ADCY5: variants seen among roughly 807,000 people sequenced by gnomAD.
The protein encoded by ADCY5 is adenylate cyclase 5, also known as adenylate cyclase type 5.
A neutral mutation model predicts 119.7 loss-of-function variants in ADCY5; 30 were observed. The observed-to-expected ratio is 0.25, with a 90% CI of 0.19 to 0.34. ADCY5 has a LOEUF of 0.34. ADCY5 is among the 10% of genes least tolerant of loss of function. ADCY5 has a pLI of 1.00. For missense variants in ADCY5, 1,324 were observed against 1,775.2 expected (o/e 0.75, Z 4.57); for synonymous variants, 753 against 762.2 (o/e 0.99, Z 0.20).
rs750872257 is a variant in ADCY5, at chr3:123,448,308, C to A, written c.238G>T (p.Asp80Tyr). ...GGGTCGTCACCGCTCAGCGGAGGAT[C>A]GTCGTCGTCGTCGCTGCGCCAGCGG... Reference protein sequence around the residue: ...ASRWRSDDDDDPPLSGDDPLA... With the variant: ...ASRWRSDDDDYPPLSGDDPLA... The change falls in exon 1 of 21, where the codon GAT becomes TAT. Residue 80 changes from aspartate (D) to tyrosine (Y), a missense_variant. By Grantham distance (160) the Asp-to-Tyr change is radical (BLOSUM62 -3). Around this residue, in one of 6 missense-constraint regions of ADCY5, gnomAD observed 585 missense variants for 569.9 expected, o/e 1.03. Transcript: ENST00000462833. The A allele has an allele frequency of 3.3e-6, 5 of 1,523,080 alleles. No individual in the cohort carries two copies. Among genetic ancestry groups the A allele is most frequent in the African/African-American group, 1.4e-5 (1 of 69,780 alleles). The allele number at this position is 1,523,080 out of a possible 1,614,324, so 94.3% of individuals were successfully genotyped here. A position where few individuals can be genotyped will look rare whatever the true frequency, so the allele number is the denominator to read the frequency against.
chr3:123,382,410 A>C (rs1472743553), intron 1 of ADCY5, among the ~76,000 whole-genome samples: 1 of 152,208 alleles, frequency 6.6e-6, no homozygotes, highest in African/African-American at 2.4e-5. Context: ...CAGAAAGTCC[A>C]CTTCTGAATT....
At chr3:123,388,988 G>A (rs1215980380) in intron 1 of ADCY5, among the ~76,000 whole-genome samples, 1 of 152,148 alleles carries the variant, frequency 6.6e-6, no homozygotes, top group African/African-American at 2.4e-5. Flanking sequence ...GGAGGGACCT[G>A]GGGAAGGAGG....
chr3:123,443,808 A>G (rs574550355), intron 1 of ADCY5, among the ~76,000 whole-genome samples: 12 of 152,284 alleles, frequency 7.9e-5, no homozygotes, highest in African/African-American at 2.9e-4. Flanking sequence ...CTCAGAAACC[A>G]TGTCAGGCAG....
intron 1 of ADCY5, among the ~76,000 whole-genome samples, chr3:123,408,821 C>T (rs1463369527): frequency 6.6e-6 from 1 of 151,608 alleles, no homozygotes; most frequent in Non-Finnish European, 1.5e-5. Context: ...ACCAAAAATA[C>T]AAAAATTAGC....
At position 123,283,133 on chromosome 3, in the gene ADCY5, T is replaced by C. The variant is rs1453104422; in HGVS notation, c.*1475A>G. 2 of 152,190 alleles carry C rather than the reference T, an allele frequency of 1.3e-5. No homozygotes were observed. The highest frequency in any genetic ancestry group is 2.9e-5 in the Non-Finnish European group (2 of 68,062). 9.4% of individuals were successfully genotyped at this position (152,190 alleles called of 1,614,324 possible). On this transcript the variant is annotated 3_prime_UTR_variant, in exon 21 of 21. Transcript: ENST00000462833. The stretch of plus-strand genomic sequence containing the variant: ...GTTTGCCGGTGGAGGTCAAGGCCAC[T>C]CCCTTTCCGCAAACCTGAAGGCTGC...
intron 1 of ADCY5, among the ~76,000 whole-genome samples, chr3:123,442,422 G>A (rs1000600607): frequency 2.4e-4 from 36 of 152,234 alleles, no homozygotes; most frequent in Admixed American, 6.5e-4. Flanking sequence ...ACCACCCTGC[G>A]TGTGCTCCAG....
intron 1 of ADCY5, among the ~76,000 whole-genome samples, chr3:123,355,981 T>C (rs556765574): frequency 6.6e-6 from 1 of 152,334 alleles, no homozygotes; most frequent in East Asian, 1.9e-4. Context: ...ATATATGGAA[T>C]AGAATTTAAG....
chr3:123,317,322 CTT>C (rs1365648095), intron 11 of ADCY5, among the ~76,000 whole-genome samples: 3 of 126,644 alleles, frequency 2.4e-5, no homozygotes, highest in South Asian at 5.6e-4. Flanking sequence ...AAACCTGCAT[CTT>C]TTGAAGATTT....
At chr3:123,403,425 GCCAGAAAGC>G (rs1944826840) in intron 1 of ADCY5, among the ~76,000 whole-genome samples, 1 of 150,230 alleles carries the variant, frequency 6.7e-6, no homozygotes, top group Admixed American at 6.6e-5. Flanking sequence ...CATGTTTAGA[GCCAGAAAGC>G]CCTGGGTTCA....
At chr3:123,316,964 C>T (rs1174142538) in intron 11 of ADCY5, among the ~76,000 whole-genome samples, 3 of 151,586 alleles carry the variant, frequency 2.0e-5, no homozygotes, top group Non-Finnish European at 4.4e-5. Flanking sequence ...AGATTACTTA[C>T]TTTTCTGTGC....
chr3:123,403,335 C>G (rs1477636148), intron 1 of ADCY5, among the ~76,000 whole-genome samples: 3 of 149,292 alleles, frequency 2.0e-5, no homozygotes, highest in Non-Finnish European at 3.0e-5. Context: ...CATGATTGCA[C>G]CAACCACTAC....
At chr3:123,420,458 C>T (rs1403066204) in intron 1 of ADCY5, among the ~76,000 whole-genome samples, 1 of 152,088 alleles carries the variant, frequency 6.6e-6, no homozygotes, top group African/African-American at 2.4e-5. Flanking sequence ...GTAGGAAGTG[C>T]GCTAAGAAAG....
At chr3:123,325,536 G>C in intron 7 of ADCY5, 74 bp from the exon 8 acceptor site, 2 of 1,584,970 alleles carry the variant, frequency 1.3e-6, no homozygotes, top group Admixed American at 3.3e-5. Flanking sequence ...CCCAAACATC[G>C]TACCTGGCCA....
intron 1 of ADCY5, among the ~76,000 whole-genome samples, chr3:123,356,460 C>T (rs528713285): frequency 6.6e-6 from 1 of 152,040 alleles, no homozygotes; most frequent in Non-Finnish European, 1.5e-5. Context: ...TTTAAAAAAT[C>T]GTGATAGATC....
chr3:123,418,025 T>C (rs1375516422), intron 1 of ADCY5, among the ~76,000 whole-genome samples: 1 of 152,184 alleles, frequency 6.6e-6, no homozygotes, highest in African/African-American at 2.4e-5. Flanking sequence ...AGTGGGCTCA[T>C]TTCCCTGGTG....
At chr3:123,295,997 TTGGCC>T in intron 17 of ADCY5, 82 bp downstream of exon 17, 1 of 1,557,162 alleles carries the variant, frequency 6.4e-7, no homozygotes, top group East Asian at 2.2e-5. Context: ...AAGGCCCGGC[TTGGCC>T]TGGCCCAGCA....
intron 17 of ADCY5, among the ~76,000 whole-genome samples, chr3:123,292,767 G>T (rs1312906556): frequency 6.6e-6 from 1 of 152,288 alleles, no homozygotes; most frequent in East Asian, 1.9e-4. Context: ...CTGTCCCATG[G>T]AGGAGCCCTG....
At chr3:123,297,250 C>G in intron 16 of ADCY5, 103 bp downstream of exon 16, 1 of 1,500,082 alleles carries the variant, frequency 6.7e-7, no homozygotes, top group Non-Finnish European at 9.2e-7. Context: ...CCTTCACTAC[C>G]CACCTTGCCA....
chr3:123,358,691 G>A (rs1057075425), intron 1 of ADCY5, among the ~76,000 whole-genome samples: 1 of 152,220 alleles, frequency 6.6e-6, no homozygotes, highest in Non-Finnish European at 1.5e-5. Flanking sequence ...ACCACACCAG[G>A]AGAGACCCCA....
Sources: allele counts gnomAD v4.1 joint callset (sites outside exome capture counted in the v4.1 genomes callset), GRCh38; gene constraint gnomAD v4.1.1; regional missense constraint gnomAD v4.1.1; transcripts MANE v1.5; gene names NCBI Gene and HGNC (gene_info 2026-07-23, HGNC 2026-07-21).